Variants in POFUT1 observed in about 807,000 individuals in gnomAD.
The protein encoded by POFUT1 is GDP-fucose protein O-fucosyltransferase 1.
POFUT1 carries 16 observed loss-of-function variants against 42.4 expected under a neutral mutation model. The observed-to-expected ratio is 0.38, with a 90% confidence interval of 0.26 to 0.57. POFUT1 has a LOEUF of 0.57. Ranked by LOEUF, POFUT1 falls within the 20% of genes least tolerant of loss-of-function variation. The probability of loss-of-function intolerance (pLI) is 0.71; values close to 1 mark genes in which losing one functional copy is unlikely to be tolerated. For synonymous variants in POFUT1, 206 were observed against 205.4 expected (o/e 1.00, Z -0.03); for missense variants, 470 against 504.6 (o/e 0.93, Z 0.66).
At position 32,228,562 on chromosome 20, in the gene POFUT1, C is replaced by T. The variant is rs2047426885; in HGVS notation, c.735+107C>T. On this transcript the variant is annotated intron_variant, in intron 5 of 6. Transcript: ENST00000375749. ...TCCCAGCCAGAGCAGAGATCTCTCA[C>T]TTGTTCTGGTTCGTGGGATTGTGTC... is the stretch of plus-strand genomic sequence containing the variant. 3 of 935,102 alleles carry T rather than the reference C, an allele frequency of 3.2e-6. No homozygotes were observed. In the South Asian group the frequency reaches 5.3e-5, roughly 17 times the overall value. The allele number at this position is 935,102 out of a possible 1,614,324, so 57.9% of individuals were successfully genotyped here.
chr20:32,234,457 G>A lies in POFUT1; in HGVS notation c.979-16G>A. ...GTAGCCACCCCAGCTTATATGCTCT[G>A]TGCTTCTTCCTGCAGGTGAAGGTGG... is the stretch of plus-strand genomic sequence containing the variant. On this transcript the variant is annotated splice_polypyrimidine_tract_variant and intron_variant, in intron 6 of 6. Coordinates refer to ENST00000375749, the MANE Select transcript of POFUT1 (RefSeq NM_015352.2). The A allele has an allele frequency of 1.9e-6, 3 of 1,590,824 alleles. No homozygotes were observed. Among genetic ancestry groups the A allele is most frequent in the Non-Finnish European group, 2.6e-6 (3 of 1,167,796 alleles).
At position 32,223,567 on chromosome 20, in the gene POFUT1, C is replaced by T. The variant is rs147428254; in HGVS notation, c.543-4696C>T. 141 of 985,430 alleles carry T rather than the reference C, an allele frequency of 1.4e-4. 3 individuals carry two copies. In the East Asian group the frequency reaches 4.5e-3, roughly 32 times the overall value. 61.0% of individuals were successfully genotyped at this position (985,430 alleles called of 1,614,324 possible). A position where few individuals can be genotyped will look rare whatever the true frequency, so the allele number is the denominator to read the frequency against. Reference sequence around the variant, plus strand: ...AGCCCCACTGGGAGATCTACTCTGGCTTTCCTTTGAAAATCCTTTTGAGGT... The same window carrying T: ...AGCCCCACTGGGAGATCTACTCTGGTTTTCCTTTGAAAATCCTTTTGAGGT... On this transcript the variant is annotated intron_variant, in intron 4 of 6. Transcript: ENST00000375749.
At chr20:32,209,479 C>T (rs970950902) in intron 1 of POFUT1, among the ~76,000 whole-genome samples, 5 of 152,204 alleles carry the variant, frequency 3.3e-5, no homozygotes, top group Non-Finnish European at 7.3e-5. Flanking sequence ...GAGTCTGGCA[C>T]ATTGTGGCCT....
chr20:32,218,969 G>T (rs1394761962), intron 4 of POFUT1, among the ~76,000 whole-genome samples: 1 of 152,244 alleles, frequency 6.6e-6, no homozygotes, highest in African/African-American at 2.4e-5. Flanking sequence ...AGGAAAATTA[G>T]TAGGGAAGAT....
At chr20:32,227,868 G>A (rs578046008) in intron 4 of POFUT1, among the ~76,000 whole-genome samples, 103 of 152,282 alleles carry the variant, frequency 6.8e-4, no homozygotes, top group African/African-American at 2.3e-3. Context: ...GCTTCTGTAA[G>A]CAGCTGCATG....
At position 32,217,181 on chromosome 20, in the gene POFUT1, C is replaced by T. The variant is rs1435930417; in HGVS notation, c.542+460C>T. On this transcript the variant is annotated intron_variant, in intron 4 of 6. Coordinates refer to ENST00000375749, the MANE Select transcript of POFUT1 (RefSeq NM_015352.2). ...TTTTAAAAAATATAGGTTAGCAGGACGTGGGCACAGGCCGTGAAACATTTA... is the reference window on the plus strand; with the variant it reads ...TTTTAAAAAATATAGGTTAGCAGGATGTGGGCACAGGCCGTGAAACATTTA... 1.9e-5 allele frequency: 28 copies of T among 1,467,848 alleles called. No individual in the cohort carries two copies. In the Admixed American group the frequency reaches 2.2e-4, roughly 12 times the overall value. The allele number at this position is 1,467,848 out of a possible 1,614,324, so 90.9% of individuals were successfully genotyped here.
chr20:32,232,796 GT>G (rs1315928874), intron 6 of POFUT1, among the ~76,000 whole-genome samples: 1 of 151,908 alleles, frequency 6.6e-6, no homozygotes, highest in Non-Finnish European at 1.5e-5. Flanking sequence ...TCTATTTCCT[GT>G]CCCTATGCCA....
In POFUT1 at chr20:32,215,468, C is replaced by T. The variant is rs115515273; in HGVS notation, c.429+17C>T. ...CCCATGAAGGTGGGTCCTGTGGGTT[C>T]GGGGGCCCTTTCTTCCTGTTCCATG... On this transcript the variant is annotated intron_variant, in intron 3 of 6. Transcript: ENST00000375749. 2.1e-4 allele frequency: 337 copies of T among 1,592,852 alleles called. No homozygotes were observed. The African/African-American group carries it at 3.4e-3, about 16-fold the overall frequency.
intron 5 of POFUT1, 84 bp from the exon 6 acceptor site, chr20:32,230,735 C>T (rs1198197490): frequency 2.0e-6 from 3 of 1,490,260 alleles, no homozygotes; most frequent in Non-Finnish European, 2.7e-6. Flanking sequence ...TCCTGTATAG[C>T]CTGTCTTTTT....
At chr20:32,209,242 A>G (rs2047313251) in intron 1 of POFUT1, among the ~76,000 whole-genome samples, 1 of 152,134 alleles carries the variant, frequency 6.6e-6, no homozygotes, top group Non-Finnish European at 1.5e-5. Flanking sequence ...GCTGTTTCCC[A>G]TCCTTTAGAT....
intron 2 of POFUT1, among the ~76,000 whole-genome samples, chr20:32,211,873 T>C (rs1301554812): frequency 6.6e-6 from 1 of 152,228 alleles, no homozygotes; most frequent in African/African-American, 2.4e-5. Flanking sequence ...CACCTGTCCC[T>C]GCTACAATCT....
At chr20:32,224,119 C>A (rs570766512) in intron 4 of POFUT1, among the ~76,000 whole-genome samples, 4 of 152,170 alleles carry the variant, frequency 2.6e-5, no homozygotes, top group Admixed American at 6.5e-5. Flanking sequence ...AGGCCAGGCG[C>A]GGTGGCTCAC....
At chr20:32,211,337 G>C (rs547149569) in intron 2 of POFUT1, among the ~76,000 whole-genome samples, 2 of 150,968 alleles carry the variant, frequency 1.3e-5, no homozygotes, top group East Asian at 3.9e-4. Flanking sequence ...GCAGTGGCAC[G>C]ATCTCAGCTC....
chr20:32,217,335 T>G (rs574803406), intron 4 of POFUT1: 1 of 1,214,130 alleles, frequency 8.2e-7, no homozygotes, highest in East Asian at 3.7e-5. Context: ...AGTGTACTTG[T>G]CCTTAATGTT....
At chr20:32,229,980 G>A (rs909200794) in intron 5 of POFUT1, among the ~76,000 whole-genome samples, 3 of 152,052 alleles carry the variant, frequency 2.0e-5, no homozygotes, top group Non-Finnish European at 2.9e-5. Flanking sequence ...GTTTTGCCAC[G>A]TTGCCCAGAC....
At chr20:32,223,023 G>A (rs1337787853) in intron 4 of POFUT1, 2 of 985,420 alleles carry the variant, frequency 2.0e-6, no homozygotes, top group Non-Finnish European at 2.4e-6. Flanking sequence ...TGGGTCTTCT[G>A]CACTCAATAT....
In POFUT1 at chr20:32,234,774, C is replaced by T; in HGVS notation, c.*113C>T. 2.2e-6 allele frequency: 2 copies of T among 916,970 alleles called. No individual in the cohort carries two copies. The highest frequency in any genetic ancestry group is 3.3e-6 in the Non-Finnish European group (2 of 614,978). The allele number at this position is 916,970 out of a possible 1,614,324, so 56.8% of individuals were successfully genotyped here. A position where few individuals can be genotyped will look rare whatever the true frequency, so the allele number is the denominator to read the frequency against. On this transcript the variant is annotated 3_prime_UTR_variant, in exon 7 of 7. Transcript: ENST00000375749. ...CCGGGATTGCAAACTCCTCTTCTCA[C>T]CTGCCAAAGATGGAGAAGAGTGCCA...
chr20:32,222,042 A>T (rs1355563091), intron 4 of POFUT1, among the ~76,000 whole-genome samples: 1 of 152,180 alleles, frequency 6.6e-6, no homozygotes, highest in Non-Finnish European at 1.5e-5. Context: ...TCACACCTGT[A>T]ATCCCAGCAC....
At chr20:32,220,529 C>T (rs2047386329) in intron 4 of POFUT1, among the ~76,000 whole-genome samples, 2 of 152,062 alleles carry the variant, frequency 1.3e-5, no homozygotes, top group Admixed American at 6.6e-5. Context: ...ATCACTTGAG[C>T]CCAGGAATTC....
Sources: gnomAD v4.1 joint callset for allele counts (sites outside exome capture counted in the v4.1 genomes callset) on GRCh38, gnomAD v4.1.1 for gene constraint, MANE v1.5 for transcripts, NCBI Gene and HGNC (gene_info 2026-07-23, HGNC 2026-07-21) for gene names.